The following SH3KBP1 variants were observed in gnomAD, a reference collection of about 807,000 sequenced individuals.
The protein encoded by SH3KBP1 is SH3 domain-containing kinase-binding protein 1.
SH3KBP1 carries 8 observed loss-of-function variants against 50.1 expected under a neutral mutation model. The ratio of observed to expected loss-of-function variants is 0.16; its 90% CI spans 0.09 to 0.29. The LOEUF (loss-of-function observed/expected upper bound fraction) is 0.29. SH3KBP1 is among the 10% of genes least tolerant of loss of function. The pLI is 1.00. For missense variants in SH3KBP1, 377 were observed against 535.2 expected (o/e 0.70, Z 2.92); for synonymous variants, 227 against 218.6 (o/e 1.04, Z -0.34).
At position 19,838,899 on chromosome X, in the gene SH3KBP1, A is replaced by AG. The variant is rs1317317900; in HGVS notation, c.5-2618_5-2617insC. ...GAAACTTTGTCTCAAAAAAAAAAAA[A>AG]AAAAAAAGAAAAAAAGAAAAGGAAA... On this transcript the variant is annotated intron_variant, in intron 1 of 17. Transcript: ENST00000397821. Among the ~76,000 whole-genome samples, 695 of 108,123 alleles carry AG rather than the reference A, an allele frequency of 6.4e-3. 13 individuals carry two copies. Among genetic ancestry groups the AG allele is most frequent in the African/African-American group, 0.022 (647 of 29,480 alleles). The allele number at this position is 108,123 out of a possible 115,157, so 93.9% of individuals were successfully genotyped here. A position where few individuals can be genotyped will look rare whatever the true frequency, so the allele number is the denominator to read the frequency against.
At position 19,827,890 on chromosome X, in the gene SH3KBP1, A is replaced by AAAACAAAC. The variant is rs373645610; in HGVS notation, c.162+8227_162+8234dup. ...GGTCTGTCATGGTCTGTTAAACAAA[A>AAAACAAAC]AAACAAACAAACAAACAAACAAACA... On this transcript the variant is annotated intron_variant, in intron 2 of 17. Coordinates refer to ENST00000397821, the MANE Select transcript of SH3KBP1 (RefSeq NM_031892.3). Among the ~76,000 whole-genome samples, 51 of 101,259 alleles carry AAAACAAAC rather than the reference A, an allele frequency of 5.0e-4. No homozygotes were observed. In the East Asian group the frequency reaches 5.1e-3, roughly 10 times the overall value. The allele number at this position is 101,259 out of a possible 115,157, so 87.9% of individuals were successfully genotyped here. A position where few individuals can be genotyped will look rare whatever the true frequency, so the allele number is the denominator to read the frequency against.
At chrX:19,666,925 G>A (rs1254740929) in intron 6 of SH3KBP1, among the ~76,000 whole-genome samples, 1 of 112,168 alleles carries the variant, frequency 8.9e-6, no homozygotes, top group Non-Finnish European at 1.9e-5. Flanking sequence ...ATTCACAACA[G>A]CCAAAAGATA....
intron 3 of SH3KBP1, among the ~76,000 whole-genome samples, chrX:19,708,205 G>A (rs1469821493): frequency 8.9e-6 from 1 of 112,268 alleles, no homozygotes; most frequent in Non-Finnish European, 1.9e-5. Context: ...TGTGTGCCCT[G>A]ATCAATATGT....
intron 2 of SH3KBP1, among the ~76,000 whole-genome samples, chrX:19,813,029 A>G (rs1200807897): frequency 9.4e-6 from 1 of 106,424 alleles, no homozygotes; most frequent in Non-Finnish European, 1.9e-5. Flanking sequence ...TGTAGTCCCA[A>G]CTACTCAGGA....
chrX:19,754,637 T>C (rs756441897), intron 2 of SH3KBP1, among the ~76,000 whole-genome samples: 10 of 111,534 alleles, frequency 9.0e-5, no homozygotes, highest in Non-Finnish European at 1.5e-4. Context: ...TCCAGCTAAT[T>C]TTTGTATTTT....
At chrX:19,685,935 A>G (rs2063154165) in intron 5 of SH3KBP1, among the ~76,000 whole-genome samples, 1 of 111,868 alleles carries the variant, frequency 8.9e-6, no homozygotes, top group Non-Finnish European at 1.9e-5. Flanking sequence ...GAAGAATTTC[A>G]AGGGTTCTTC....
chrX:19,797,816 C>A (rs921267965), intron 2 of SH3KBP1, among the ~76,000 whole-genome samples: 1 of 109,147 alleles, frequency 9.2e-6, no homozygotes, highest in East Asian at 2.9e-4. Context: ...ACACTATCAT[C>A]GGTAATTAAC....
At chrX:19,742,988 T>C (rs1030604655) in intron 3 of SH3KBP1, among the ~76,000 whole-genome samples, 14 of 112,070 alleles carry the variant, frequency 1.2e-4, no homozygotes, top group Admixed American at 2.8e-4. Context: ...ACCACAGAAA[T>C]GGCCAGAAGT....
chrX:19,547,023 G>A (rs974752960), intron 14 of SH3KBP1, among the ~76,000 whole-genome samples: 5 of 110,450 alleles, frequency 4.5e-5, no homozygotes, highest in Non-Finnish European at 7.6e-5. Context: ...ATGGTGGTGT[G>A]CACCTGGAGT....
chrX:19,812,761 G>T (rs2067242441), intron 2 of SH3KBP1, among the ~76,000 whole-genome samples: 2 of 110,817 alleles, frequency 1.8e-5, no homozygotes, highest in Admixed American at 9.6e-5. Flanking sequence ...GATCACCTGA[G>T]CTCAGGAATT....
intron 2 of SH3KBP1, among the ~76,000 whole-genome samples, chrX:19,762,565 G>A (rs1193984290): frequency 9.0e-6 from 1 of 111,072 alleles, no homozygotes; most frequent in Non-Finnish European, 1.9e-5. Context: ...ACCTGAATCA[G>A]CACTACCCAC....
chrX:19,706,139 G>T (rs1031035721), intron 4 of SH3KBP1, among the ~76,000 whole-genome samples: 7 of 111,776 alleles, frequency 6.3e-5, no homozygotes, highest in African/African-American at 2.3e-4. Flanking sequence ...TTTCTGTAAG[G>T]TCAGAGGGTA....
chrX:19,583,265 C>T (rs1253481702), intron 12 of SH3KBP1, among the ~76,000 whole-genome samples: 2 of 108,025 alleles, frequency 1.9e-5, no homozygotes, highest in African/African-American at 3.3e-5. Context: ...GCGATTCTCC[C>T]GCCTCAGCCT....
rs1247380135 is a variant in SH3KBP1 at position 19,535,727 on chromosome X, T to C, written c.*690A>G. On this transcript the variant is annotated 3_prime_UTR_variant, in exon 18 of 18. Transcript: ENST00000397821. ...TTTAATTTTTAATTTTTTTGAATCA[T>C]GGTAGCTGCATCACAAAAGCTCCAA... 9.0e-6 allele frequency: 1 copy of C among 111,054 alleles called. No individual in the cohort carries two copies. Among genetic ancestry groups the C allele is most frequent in the Non-Finnish European group, 1.9e-5 (1 of 52,948 alleles). 9.2% of individuals were successfully genotyped at this position (111,054 alleles called of 1,213,427 possible).
At chrX:19,846,435 A>C (rs1305237077) in intron 1 of SH3KBP1, among the ~76,000 whole-genome samples, 1 of 112,583 alleles carries the variant, frequency 8.9e-6, no homozygotes, top group African/African-American at 3.2e-5. Context: ...TGGAGAAGAA[A>C]GTATGCTGCT....
intron 1 of SH3KBP1, among the ~76,000 whole-genome samples, chrX:19,861,000 G>A (rs779189203): frequency 9.0e-6 from 1 of 111,359 alleles, no homozygotes; most frequent in Non-Finnish European, 1.9e-5. Flanking sequence ...ATTATGGGAC[G>A]CTGGGAAAGG....
At chrX:19,580,617 CTACT>C (rs1485559156) in intron 12 of SH3KBP1, among the ~76,000 whole-genome samples, 2 of 111,808 alleles carry the variant, frequency 1.8e-5, no homozygotes, top group African/African-American at 6.5e-5. Context: ...TAATTCAGAC[CTACT>C]GAGTTAGAAA....
At chrX:19,816,928 G>A (rs748236716) in intron 2 of SH3KBP1, among the ~76,000 whole-genome samples, 15 of 112,172 alleles carry the variant, frequency 1.3e-4, no homozygotes, top group Admixed American at 2.8e-4. Context: ...TCCATGATCC[G>A]TTTTGAGTTA....
chrX:19,715,131 G>T (rs1399620094), intron 3 of SH3KBP1, among the ~76,000 whole-genome samples: 1 of 110,008 alleles, frequency 9.1e-6, no homozygotes, highest in Non-Finnish European at 1.9e-5. Flanking sequence ...AAATTAGCTT[G>T]GCATGGCAGC....
Sources: gnomAD v4.1 joint callset for allele counts (sites outside exome capture counted in the v4.1 genomes callset) on GRCh38, gnomAD v4.1.1 for gene constraint, MANE v1.5 for transcripts, NCBI Gene and HGNC (gene_info 2026-07-23, HGNC 2026-07-21) for gene names.